Variants in PELI2 observed in about 807,000 individuals in gnomAD.
The protein encoded by PELI2 is pellino E3 ubiquitin protein ligase family member 2.
In PELI2, 23 loss-of-function variants were observed where a neutral mutation model predicts 42.3. The ratio of observed to expected loss-of-function variants is 0.54; its 90% CI spans 0.39 to 0.77. PELI2 has a LOEUF of 0.77. PELI2 is among the 30% of genes least tolerant of loss of function. PELI2 has a pLI of 0.00. For synonymous variants in PELI2, 245 were observed against 212.2 expected, an observed-to-expected ratio of 1.15 and a Z score of -1.34; for missense variants, 463 against 553.2, an observed-to-expected ratio of 0.84 and a Z score of 1.64.
At chr14:56,139,109 G>T (rs1035508488) in intron 1 of PELI2, among the ~76,000 whole-genome samples, 4 of 152,152 alleles carry the variant, frequency 2.6e-5, no homozygotes, top group African/African-American at 9.7e-5. Flanking sequence ...CTAACAATGT[G>T]CCTTGCTTCT....
chr14:56,180,763 T>G lies in PELI2; in HGVS notation c.207+2299T>G, dbSNP rs537707319. Among the ~76,000 whole-genome samples, 468 of 152,218 alleles carry G rather than the reference T, an allele frequency of 3.1e-3. 2 individuals are homozygous for G. Among genetic ancestry groups the G allele is most frequent in the African/African-American group, 0.011 (452 of 41,528 alleles). ...TTCCGCCCCTTACTCCTGCTCCCTC[T>G]CAAACTCTCATCCCTGCCAGCTGTG... is the stretch of plus-strand genomic sequence containing the variant. On this transcript the variant is annotated intron_variant, in intron 2 of 5. Transcript: ENST00000267460. The surrounding 1 kb of genome is among the most constrained non-coding windows in gnomAD (Gnocchi z 4.4).
At chr14:56,225,528 A>T (rs1029946682) in intron 2 of PELI2, among the ~76,000 whole-genome samples, 21 of 152,300 alleles carry the variant, frequency 1.4e-4, no homozygotes, top group Middle Eastern at 3.4e-3. Context: ...TGAATGGAGC[A>T]CATTTTCAAG....
intron 2 of PELI2, among the ~76,000 whole-genome samples, chr14:56,258,580 TAA>T (rs34178504): frequency 1.4e-5 from 2 of 144,566 alleles, no homozygotes; most frequent in Non-Finnish European, 3.0e-5. Flanking sequence ...ATGTCTGAAA[TAA>T]AAAAAAAAAC....
chr14:56,228,226 A>C (rs1398048157), intron 2 of PELI2, among the ~76,000 whole-genome samples: 1 of 152,242 alleles, frequency 6.6e-6, no homozygotes, highest in East Asian at 1.9e-4. Flanking sequence ...TGTGACAGGA[A>C]CATTATTATT....
intron 1 of PELI2, among the ~76,000 whole-genome samples, chr14:56,162,059 T>C (rs1426030981): frequency 6.6e-6 from 1 of 152,186 alleles, no homozygotes; most frequent in African/African-American, 2.4e-5. Context: ...GCATGCAATG[T>C]GAAATAACCA....
At chr14:56,218,703 G>A (rs1003690817) in intron 2 of PELI2, among the ~76,000 whole-genome samples, 15 of 55,342 alleles carry the variant, frequency 2.7e-4, no homozygotes, top group South Asian at 9.9e-4. Flanking sequence ...ACATGTGTGC[G>A]TGTGTGTGTG....
intron 2 of PELI2, among the ~76,000 whole-genome samples, chr14:56,238,981 C>T (rs892246593): frequency 6.6e-6 from 1 of 152,164 alleles, no homozygotes; most frequent in Non-Finnish European, 1.5e-5. Flanking sequence ...GTAAATTAAA[C>T]ATACTTTATT....
intron 2 of PELI2, among the ~76,000 whole-genome samples, chr14:56,251,423 A>T (rs573710264): frequency 6.6e-6 from 1 of 152,376 alleles, no homozygotes; most frequent in South Asian, 2.1e-4. Flanking sequence ...GAGTCTTTAC[A>T]GTCAAGTGTT....
At chr14:56,278,350 A>G (rs931976569) in intron 2 of PELI2, among the ~76,000 whole-genome samples, 1 of 152,196 alleles carries the variant, frequency 6.6e-6, no homozygotes, top group African/African-American at 2.4e-5. Flanking sequence ...GATTACCACA[A>G]AAGTTAATTA....
In PELI2 at chr14:56,298,048, G is replaced by T. The variant is rs190342237; in HGVS notation, c.*882G>T. Reference sequence around the variant, plus strand: ...GCTGACTGAATTAAGATTTAAGAATGATTAAAAATAAGCTTTTACTTTTTA... The same window carrying T: ...GCTGACTGAATTAAGATTTAAGAATTATTAAAAATAAGCTTTTACTTTTTA... On this transcript the variant is annotated 3_prime_UTR_variant, in exon 6 of 6. Transcript: ENST00000267460. 8 of 151,548 alleles carry T rather than the reference G, an allele frequency of 5.3e-5. No individual in the cohort carries two copies. The highest frequency in any genetic ancestry group is 3.4e-3 in the Middle Eastern group (1 of 294). 9.4% of individuals were successfully genotyped at this position (151,548 alleles called of 1,614,324 possible).
In PELI2 at chr14:56,221,918, G is replaced by A. The variant is rs370038225; in HGVS notation, c.207+43454G>A. ...TCCTGATAACATGTGACAGCCACGA[G>A]AGGAACTCCATGAAGTTTAGCTTCC... On this transcript the variant is annotated intron_variant, in intron 2 of 5. Coordinates refer to ENST00000267460, the MANE Select transcript of PELI2 (RefSeq NM_021255.3). 1.1e-3 allele frequency among the ~76,000 whole-genome samples: 166 copies of A among 152,310 alleles called. 1 individual carries two copies. In the South Asian group the frequency reaches 0.033, roughly 30 times the overall value.
chr14:56,256,691 G>A (rs1888537285), intron 2 of PELI2, among the ~76,000 whole-genome samples: 1 of 152,144 alleles, frequency 6.6e-6, no homozygotes, highest in Non-Finnish European at 1.5e-5. Context: ...TAACTAATAT[G>A]TAGAATAAAT....
chr14:56,146,198 A>G (rs768715319), intron 1 of PELI2, among the ~76,000 whole-genome samples: 24 of 152,172 alleles, frequency 1.6e-4, no homozygotes, highest in Non-Finnish European at 2.8e-4. Flanking sequence ...GGAGTGCAGT[A>G]TGATTTCATT....
intron 2 of PELI2, among the ~76,000 whole-genome samples, chr14:56,251,856 A>G (rs1020707799): frequency 6.6e-6 from 1 of 152,198 alleles, no homozygotes; most frequent in Non-Finnish European, 1.5e-5. Flanking sequence ...GTCACTTGGG[A>G]TGTTTTAGCT....
At chr14:56,178,258 T>G in intron 1 of PELI2, 77 bp from the exon 2 acceptor site, 1 of 1,480,096 alleles carries the variant, frequency 6.8e-7, no homozygotes, top group African/African-American at 1.4e-5. Context: ...TCTTTTCCCT[T>G]ATTCAATACC....
At chr14:56,173,219 C>A (rs1427413903) in intron 1 of PELI2, among the ~76,000 whole-genome samples, 1 of 152,104 alleles carries the variant, frequency 6.6e-6, no homozygotes, top group Non-Finnish European at 1.5e-5. Flanking sequence ...TCCCTTTATC[C>A]CTCACCCTGT....
intron 2 of PELI2, among the ~76,000 whole-genome samples, chr14:56,200,270 A>G (rs534662650): frequency 2.0e-4 from 31 of 152,390 alleles, no homozygotes; most frequent in African/African-American, 7.5e-4. Context: ...GGTAATATCT[A>G]TGGCCACCAG....
At chr14:56,242,563 C>T (rs1032728978) in intron 2 of PELI2, among the ~76,000 whole-genome samples, 5 of 152,250 alleles carry the variant, frequency 3.3e-5, no homozygotes, top group South Asian at 2.1e-4. Context: ...ATGTTTAGAG[C>T]GGCACAACTT....
chr14:56,166,101 G>C (rs1229426118), intron 1 of PELI2, among the ~76,000 whole-genome samples: 1 of 151,718 alleles, frequency 6.6e-6, no homozygotes, highest in Non-Finnish European at 1.5e-5. Context: ...TTTCTCTGGT[G>C]ATATGACTTA....
Sources: allele counts gnomAD v4.1 joint callset (sites outside exome capture counted in the v4.1 genomes callset), GRCh38; gene constraint gnomAD v4.1.1; non-coding constraint Gnocchi (gnomAD v3.1); transcripts MANE v1.5; gene names NCBI Gene and HGNC (gene_info 2026-07-23, HGNC 2026-07-21).